Variants in NCR1 observed in about 807,000 individuals in gnomAD.
NCR1 encodes the protein natural cytotoxicity triggering receptor 1, also known as NK cell-activating receptor.
A neutral mutation model predicts 32.5 loss-of-function variants in NCR1; 30 were observed. The ratio of observed to expected loss-of-function variants is 0.92; its 90% confidence interval spans 0.69 to 1.25. The LOEUF (loss-of-function observed/expected upper bound fraction) is 1.25, where lower values mean the gene tolerates loss of function less well. Among genes scored for constraint, NCR1 ranks in the 50% most tolerant of loss-of-function variants. The pLI is 0.00. For missense variants in NCR1, 369 were observed against 380.7 expected (o/e 0.97, Z 0.26); for synonymous variants, 169 against 143.4 (o/e 1.18, Z -1.28).
chr19:54,910,144 A>G (rs2067894045), intron 5 of NCR1, 79 bp downstream of exon 5: 5 of 1,430,810 alleles, frequency 3.5e-6, no homozygotes, highest in Non-Finnish European at 3.9e-6. Flanking sequence ...TTCATTCAAA[A>G]TATTCATCGA....
the NCR1 span, among the ~76,000 whole-genome samples, chr19:54,923,207 G>A: frequency 0.5 from 75,678 of 152,008 alleles, 19,156 homozygotes; most frequent in South Asian, 0.59. Context: ...ATGTCCAAAG[G>A]CACAGCTGAG....
At chr19:54,914,292 T>C (rs1216401550), downstream of NCR1, among the ~76,000 whole-genome samples, 1 of 151,334 alleles carries the variant, frequency 6.6e-6, no homozygotes, top group Non-Finnish European at 1.5e-5. Flanking sequence ...ACATGTGCCA[T>C]GTTGGTGTGC....
At chr19:54,915,354 A>AT (rs1274787924), downstream of NCR1, among the ~76,000 whole-genome samples, 2 of 151,994 alleles carry the variant, frequency 1.3e-5, no homozygotes, top group Non-Finnish European at 2.9e-5. Context: ...TTATCAACCC[A>AT]TTTATATACT....
downstream of NCR1, among the ~76,000 whole-genome samples, chr19:54,916,338 T>TTTTTTTTTTTTTTTTTTTTTTTTTTG (rs1556721210): frequency 7.6e-6 from 1 of 132,022 alleles, no homozygotes; most frequent in African/African-American, 2.9e-5. Context: ...TTTTTTTTTT[T>TTTTTTTTTTTTTTTTTTTTTTTTTTG]GAGACGAAGT....
In NCR1 at chr19:54,907,304, C is replaced by G. The variant is rs149522053; in HGVS notation, c.355+497C>G. On this transcript the variant is annotated intron_variant, in intron 3 of 6. Coordinates refer to ENST00000291890, the MANE Select transcript of NCR1 (RefSeq NM_004829.7). ...CCAAGTAGCTGGGATCACAGGCACC[C>G]ACCACTACGCCACATTTTGTATTTT... 4.9e-3 allele frequency among the ~76,000 whole-genome samples: 739 copies of G among 151,206 alleles called. 8 individuals carry two copies. The highest frequency in any genetic ancestry group is 0.017 in the African/African-American group (694 of 41,308).
upstream of NCR1, among the ~76,000 whole-genome samples, chr19:54,903,495 T>C (rs759878306): frequency 2.1e-4 from 30 of 145,916 alleles, no homozygotes; most frequent in Non-Finnish European, 2.9e-4. Flanking sequence ...TATATACATA[T>C]ATGTATGTAT....
At chr19:54,934,011 C>G in the NCR1 span, among the ~76,000 whole-genome samples, 4 of 152,178 alleles carry the variant, frequency 2.6e-5, no homozygotes, top group African/African-American at 9.6e-5. This position sits in a 1 kb window ranked among gnomAD's most constrained non-coding sequence, Gnocchi z 6.7. Context: ...GGCGCGATCT[C>G]GGTTCACTGC....
At chr19:54,916,100 G>A (rs2068126223), downstream of NCR1, 1 of 151,026 alleles carries the variant, frequency 6.6e-6, no homozygotes, top group East Asian at 1.9e-4. Flanking sequence ...CCCTCTCCAA[G>A]AGTGTAATCC....
chr19:54,913,173 G>T, downstream of NCR1: 1 of 208,694 alleles, frequency 4.8e-6, no homozygotes. Flanking sequence ...TGATTCTCCT[G>T]CCTCAGCCTC....
the NCR1 span, among the ~76,000 whole-genome samples, chr19:54,927,421 G>T: frequency 7.4e-4 from 112 of 151,330 alleles, no homozygotes; most frequent in Middle Eastern, 0.01. Flanking sequence ...AGCTGGACAT[G>T]TTGGCATGCC....
At chr19:54,923,568 G>A in the NCR1 span, 1 of 738,434 alleles carries the variant, frequency 1.4e-6, no homozygotes, top group South Asian at 1.5e-5. Context: ...GTCATGTGAA[G>A]GGGGTGCGTG....
chr19:54,906,013 G>A, upstream of NCR1: 1 of 751,246 alleles, frequency 1.3e-6, no homozygotes, highest in Non-Finnish European at 2.2e-6. Flanking sequence ...CGGCCTTTCT[G>A]TAAGCTCATG....
chr19:54,920,356 A>G (rs887848564), downstream of NCR1, among the ~76,000 whole-genome samples: 1 of 152,148 alleles, frequency 6.6e-6, no homozygotes, highest in African/African-American at 2.4e-5. Context: ...GGGTGCTGCT[A>G]TACATCACGT....
chr19:54,921,709 T>C, the NCR1 span, among the ~76,000 whole-genome samples: 2 of 143,590 alleles, frequency 1.4e-5, no homozygotes, highest in Non-Finnish European at 3.0e-5. Flanking sequence ...GAGGCAGAGG[T>C]TGTAGTGAGC....
At chr19:54,906,379 GCCAAGCTCCTTCCAC>G in intron 2 of NCR1, 45 bp downstream of exon 2, 2 of 1,608,572 alleles carry the variant, frequency 1.2e-6, no homozygotes, top group Non-Finnish European at 1.7e-6. Context: ...CCGGATTCAG[GCCAAGCTCCTTCCAC>G]CCAAGCACGG....
At chr19:54,936,492 T>C in the NCR1 span, 13 of 1,384,876 alleles carry the variant, frequency 9.4e-6, no homozygotes, top group South Asian at 4.6e-5. Flanking sequence ...TGTGGAGGCA[T>C]GTATAAACAA....
the NCR1 span, chr19:54,934,529 T>C: frequency 2.5e-6 from 4 of 1,614,152 alleles, no homozygotes; most frequent in Non-Finnish European, 3.4e-6. This position sits in a 1 kb window ranked among gnomAD's most constrained non-coding sequence, Gnocchi z 6.7. Context: ...GTCATGGTCT[T>C]GTACAGCAAC....
the NCR1 span, chr19:54,923,450 A>G: frequency 0.61 from 300,364 of 488,482 alleles, 94,530 homozygotes; most frequent in East Asian, 0.81. Flanking sequence ...CCTCCTAGAC[A>G]AAGCACAGAG....
chr19:54,915,247 C>T (rs1023616018), downstream of NCR1, among the ~76,000 whole-genome samples: 8 of 152,032 alleles, frequency 5.3e-5, no homozygotes, highest in Non-Finnish European at 1.0e-4. Flanking sequence ...AATGTATATA[C>T]GGGGCTGTGG....
Sources: allele counts gnomAD v4.1 joint callset (sites outside exome capture counted in the v4.1 genomes callset), GRCh38; gene constraint gnomAD v4.1.1; non-coding constraint Gnocchi (gnomAD v3.1); transcripts MANE v1.5; gene names NCBI Gene and HGNC (gene_info 2026-07-23, HGNC 2026-07-21).